The following CTNNA2 variants were observed in gnomAD, a reference collection of about 807,000 sequenced individuals.
CTNNA2 encodes catenin alpha 2, also known as catenin alpha-2.
A neutral mutation model predicts 101.0 loss-of-function variants in CTNNA2; 42 were observed. The ratio of observed to expected loss-of-function variants is 0.42; its 90% CI spans 0.32 to 0.54. The LOEUF (loss-of-function observed/expected upper bound fraction) is 0.54. Among genes scored for constraint, CTNNA2 ranks in the 20% least tolerant of loss-of-function variants. The probability of loss-of-function intolerance (pLI) is 0.14; values close to 1 mark genes in which losing one functional copy is unlikely to be tolerated. For missense variants in CTNNA2, 871 were observed against 1,223.1 expected (o/e 0.71, Z 4.29); for synonymous variants, 450 against 456.4 (o/e 0.99, Z 0.18).
At chr2:79,263,651 A>G (rs1583367) in intron 2 of CTNNA2, among the ~76,000 whole-genome samples, 92,539 of 152,046 alleles carry the variant, frequency 0.61, 28,402 homozygotes, top group African/African-American at 0.64. Context: ...ATTGAGAGGC[A>G]GGACCTTTAA....
intron 2 of CTNNA2, among the ~76,000 whole-genome samples, chr2:79,689,555 A>G (rs1684153255): frequency 6.6e-6 from 1 of 152,048 alleles, no homozygotes; most frequent in South Asian, 2.1e-4. Context: ...CTCTGCAGTT[A>G]ATACACAGTG....
At chr2:79,629,717 G>A (rs1024637318) in intron 1 of CTNNA2, among the ~76,000 whole-genome samples, 1 of 152,192 alleles carries the variant, frequency 6.6e-6, no homozygotes, top group African/African-American at 2.4e-5. Context: ...ATAGATGGGA[G>A]AGGGAGGAAA....
chr2:79,288,752 A>T (rs1181230718), intron 2 of CTNNA2, among the ~76,000 whole-genome samples: 3 of 152,178 alleles, frequency 2.0e-5, no homozygotes, highest in African/African-American at 7.2e-5. Context: ...TGGCTCAGTA[A>T]TACTTCTAAT....
intron 7 of CTNNA2, among the ~76,000 whole-genome samples, chr2:80,120,558 A>G (rs1701775340): frequency 1.3e-5 from 2 of 152,074 alleles, no homozygotes; most frequent in African/African-American, 2.4e-5. Context: ...GCTCTTTCTA[A>G]TGCCTTCCTT....
chr2:80,126,767 T>C (rs866020691), intron 7 of CTNNA2, among the ~76,000 whole-genome samples: 2 of 152,136 alleles, frequency 1.3e-5, no homozygotes, highest in Non-Finnish European at 1.5e-5. Context: ...CAGGGCTTGA[T>C]TAAATCATGG....
intron 4 of CTNNA2, among the ~76,000 whole-genome samples, chr2:79,403,469 A>G (rs1678310134): frequency 6.6e-6 from 1 of 151,998 alleles, no homozygotes; most frequent in Non-Finnish European, 1.5e-5. Context: ...CTCCCTAGCC[A>G]GATGGCTGGG....
intron 13 of CTNNA2, among the ~76,000 whole-genome samples, chr2:80,574,908 C>T (rs1385874038): frequency 6.6e-6 from 1 of 152,098 alleles, no homozygotes; most frequent in Admixed American, 6.6e-5. Context: ...TATATATTCA[C>T]AGGCCTAGAA....
At chr2:80,126,161 C>CT (rs1018654529) in intron 7 of CTNNA2, among the ~76,000 whole-genome samples, 13 of 152,162 alleles carry the variant, frequency 8.5e-5, no homozygotes, top group East Asian at 3.9e-4. Flanking sequence ...TTTTTCCCCT[C>CT]TTTTTTCTGA....
At chr2:80,102,945 G>T (rs1558811196) in intron 7 of CTNNA2, among the ~76,000 whole-genome samples, 1 of 152,160 alleles carries the variant, frequency 6.6e-6, no homozygotes, top group Non-Finnish European at 1.5e-5. Context: ...AGCAAATACT[G>T]CAATGTGACG....
chr2:80,328,485 C>G, intron 7 of CTNNA2: 4 of 430,908 alleles, frequency 9.3e-6, no homozygotes, highest in South Asian at 5.2e-5. Flanking sequence ...TCATCTGGAG[C>G]AGCAGGTAGT....
intron 7 of CTNNA2, among the ~76,000 whole-genome samples, chr2:80,015,421 C>T (rs964639641): frequency 4.6e-5 from 7 of 152,126 alleles, no homozygotes; most frequent in Admixed American, 6.5e-5. Flanking sequence ...ACCATCAGAT[C>T]GCTGATCCTA....
chr2:79,499,412 T>C (rs928884399), intron 4 of CTNNA2, among the ~76,000 whole-genome samples: 2 of 152,204 alleles, frequency 1.3e-5, no homozygotes, highest in African/African-American at 2.4e-5. Context: ...ATGTGTCCCC[T>C]ACATCACTTC....
chr2:79,922,642 C>CTTTTTTTTTTT (rs35186079), intron 7 of CTNNA2, among the ~76,000 whole-genome samples: 5 of 137,176 alleles, frequency 3.6e-5, no homozygotes, highest in Non-Finnish European at 4.7e-5. Context: ...CAGTTTTTTA[C>CTTTTTTTTTTT]TTTTTTTTTT....
chr2:80,013,994 A>T (rs1056346232), intron 7 of CTNNA2, among the ~76,000 whole-genome samples: 1 of 152,194 alleles, frequency 6.6e-6, no homozygotes, highest in African/African-American at 2.4e-5. Flanking sequence ...AAGGAGAATT[A>T]GATTGCTTAA....
intron 7 of CTNNA2, among the ~76,000 whole-genome samples, chr2:80,350,649 T>G (rs1175285971): frequency 6.6e-6 from 1 of 152,172 alleles, no homozygotes; most frequent in Non-Finnish European, 1.5e-5. Context: ...TTTTTCTACC[T>G]AGGATTTTAA....
chr2:80,317,988 A>G (rs368314886), intron 7 of CTNNA2, among the ~76,000 whole-genome samples: 4 of 152,132 alleles, frequency 2.6e-5, no homozygotes, highest in Non-Finnish European at 4.4e-5. Context: ...TCTAACTCCT[A>G]TTAAATTTCC....
chr2:79,608,491 C>A (rs560590468), intron 1 of CTNNA2, among the ~76,000 whole-genome samples: 10 of 152,108 alleles, frequency 6.6e-5, no homozygotes, highest in African/African-American at 2.4e-4. Flanking sequence ...TCTTCATGAA[C>A]ATAACATGCA....
At chr2:80,398,136 T>G (rs192818013) in intron 8 of CTNNA2, among the ~76,000 whole-genome samples, 32 of 152,318 alleles carry the variant, frequency 2.1e-4, no homozygotes, top group African/African-American at 6.5e-4. Flanking sequence ...AAAAGTGCAA[T>G]TATGTTTAGG....
intron 2 of CTNNA2, among the ~76,000 whole-genome samples, chr2:79,280,701 G>GAGAGAGAGAGAGAGAGAC (rs142826852): frequency 4.7e-5 from 7 of 147,378 alleles, no homozygotes; most frequent in East Asian, 4.1e-4. Context: ...GAGAGAGAGA[G>GAGAGAGAGAGAGAGAGAC]ACCTATAGCT....
Sources: allele counts gnomAD v4.1 joint callset (sites outside exome capture counted in the v4.1 genomes callset), GRCh38; gene constraint gnomAD v4.1.1; transcripts MANE v1.5; gene names NCBI Gene and HGNC (gene_info 2026-07-23, HGNC 2026-07-21).